APBA1: variants seen among roughly 807,000 people sequenced by gnomAD.
The protein encoded by APBA1 is amyloid-beta A4 precursor protein-binding family A member 1.
A neutral mutation model predicts 86.6 loss-of-function variants in APBA1; 55 were observed. The observed-to-expected ratio is 0.64, with a 90% CI of 0.51 to 0.80. The LOEUF (loss-of-function observed/expected upper bound fraction) is 0.80. APBA1 is among the 30% of genes least tolerant of loss of function. The probability of loss-of-function intolerance (pLI) is 0.00; values close to 1 mark genes in which losing one functional copy is unlikely to be tolerated. For synonymous variants in APBA1, 511 were observed against 493.9 expected (o/e 1.03, Z -0.46); for missense variants, 1,090 against 1,183.0 (o/e 0.92, Z 1.15).
At chr9:69,590,319 G>A (rs1822105645) in intron 1 of APBA1, among the ~76,000 whole-genome samples, 1 of 152,248 alleles carries the variant, frequency 6.6e-6, no homozygotes, top group Non-Finnish European at 1.5e-5. Flanking sequence ...GGTGAACAGA[G>A]TGGCATTGTG....
intron 2 of APBA1, among the ~76,000 whole-genome samples, chr9:69,492,693 T>C (rs1024039432): frequency 2.0e-5 from 3 of 152,078 alleles, no homozygotes; most frequent in Admixed American, 6.5e-5. Context: ...ATTATAGTGA[T>C]TGATTTACAT....
intron 2 of APBA1, among the ~76,000 whole-genome samples, chr9:69,485,171 G>A (rs1385309116): frequency 6.6e-6 from 1 of 151,820 alleles, no homozygotes; most frequent in Non-Finnish European, 1.5e-5. Context: ...CTGTCACCTG[G>A]GCTCCAAGGA....
rs530951547 is a variant in APBA1, at chr9:69,506,029, A to G, written c.1200+9982T>C. On this transcript the variant is annotated intron_variant, in intron 2 of 12. Transcript: ENST00000265381. Reference sequence around the variant, plus strand: ...GCAAGACTCCATCTAAAAAAAAAGAAAAAGAAGAAAAAAAAAAGAAAAGGA... The same window carrying G: ...GCAAGACTCCATCTAAAAAAAAAGAGAAAGAAGAAAAAAAAAAGAAAAGGA... Among the ~76,000 whole-genome samples, 5 of 151,784 alleles carry G rather than the reference A, an allele frequency of 3.3e-5. No homozygotes were observed. In the South Asian group the frequency reaches 1.0e-3, roughly 32 times the overall value.
In APBA1 at chr9:69,456,466, C is replaced by T. The variant is rs1571851; in HGVS notation, c.1603-34G>A. ...AGGAAGAGAGGGCGGGTAAGTCCAG[C>T]TCAGCATCTAATGACCTAAGAAAGC... On this transcript the variant is annotated intron_variant, in intron 7 of 12. Coordinates refer to ENST00000265381, the MANE Select transcript of APBA1 (RefSeq NM_001163.4). The T allele has an allele frequency of 6.0e-5, 93 of 1,542,052 alleles. No individual in the cohort carries two copies. In the Middle Eastern group the frequency reaches 1.2e-3, roughly 19 times the overall value.
intron 1 of APBA1, among the ~76,000 whole-genome samples, chr9:69,652,786 G>A (rs1823532577): frequency 6.6e-6 from 1 of 152,144 alleles, no homozygotes; most frequent in Non-Finnish European, 1.5e-5. Context: ...GTCAGGAGAT[G>A]GAGACCATTC....
At chr9:69,543,542 G>A (rs578221317) in intron 1 of APBA1, among the ~76,000 whole-genome samples, 72 of 152,278 alleles carry the variant, frequency 4.7e-4, no homozygotes, top group African/African-American at 1.7e-3. Flanking sequence ...GCTCTAGGCT[G>A]AGAAGGTCAT....
At chr9:69,462,326 G>A (rs1205081130) in intron 5 of APBA1, 1 of 152,224 alleles carries the variant, frequency 6.6e-6, no homozygotes, top group African/African-American at 2.4e-5. Context: ...GGAGAACAAG[G>A]AAGACAAATG....
rs191220404 is a variant in APBA1, at chr9:69,466,359, G to A, written c.1482+1464C>T. The stretch of plus-strand genomic sequence containing the variant: ...GCTATTCACCACATGGCAGAGTCTG[G>A]ACACGTGACTAACGTAAGAATCAGC... On this transcript the variant is annotated intron_variant, in intron 5 of 12. Transcript: ENST00000265381. Among the ~76,000 whole-genome samples the A allele has an allele frequency of 1.3e-3, 194 of 152,314 alleles. 2 individuals carry two copies. Among genetic ancestry groups the A allele is most frequent in the African/African-American group, 4.3e-3 (177 of 41,568 alleles).
chr9:69,530,995 A>G (rs796660342), intron 1 of APBA1, among the ~76,000 whole-genome samples: 49 of 152,342 alleles, frequency 3.2e-4, no homozygotes, highest in African/African-American at 1.1e-3. Flanking sequence ...TCTAGTATGC[A>G]CATTAAAATT....
chr9:69,656,360 C>G (rs1261010968), intron 1 of APBA1, among the ~76,000 whole-genome samples: 1 of 151,998 alleles, frequency 6.6e-6, no homozygotes, highest in Admixed American at 6.6e-5. Flanking sequence ...TGTCCTTCAA[C>G]AAAAGAATTG....
chr9:69,448,588 C>T (rs1295263267), intron 10 of APBA1, among the ~76,000 whole-genome samples: 3 of 152,130 alleles, frequency 2.0e-5, no homozygotes, highest in East Asian at 1.9e-4. Context: ...ACCTCCCACC[C>T]CCACCCCCTT....
chr9:69,482,179 C>A (rs11138864), intron 2 of APBA1, among the ~76,000 whole-genome samples: 121,379 of 151,740 alleles, frequency 0.8, 48,745 homozygotes, highest in Admixed American at 0.85. Context: ...TCAGAGTGAA[C>A]AGGCAACCTA....
intron 1 of APBA1, among the ~76,000 whole-genome samples, chr9:69,562,524 G>A (rs1836962620): frequency 6.6e-6 from 1 of 151,798 alleles, no homozygotes; most frequent in Non-Finnish European, 1.5e-5. Context: ...ACAGGCACAC[G>A]CCACCAAGCC....
At chr9:69,662,939 T>A (rs1271542390) in intron 1 of APBA1, among the ~76,000 whole-genome samples, 1 of 152,204 alleles carries the variant, frequency 6.6e-6, no homozygotes, top group Non-Finnish European at 1.5e-5. Context: ...TACTCAAAAA[T>A]AAAGTTTCTC....
At chr9:69,598,537 A>C (rs564022269) in intron 1 of APBA1, among the ~76,000 whole-genome samples, 3 of 152,154 alleles carry the variant, frequency 2.0e-5, no homozygotes, top group Admixed American at 2.0e-4. Flanking sequence ...CTGGGTCCCC[A>C]GTAGACTCTT....
intron 1 of APBA1, among the ~76,000 whole-genome samples, chr9:69,643,158 T>A (rs1001910029): frequency 2.0e-5 from 3 of 152,074 alleles, no homozygotes; most frequent in African/African-American, 7.2e-5. Flanking sequence ...TTACATTTGA[T>A]CCAGCAATCC....
At chr9:69,584,212 T>A (rs76460947) in intron 1 of APBA1, among the ~76,000 whole-genome samples, 2 of 152,226 alleles carry the variant, frequency 1.3e-5, no homozygotes, top group Non-Finnish European at 2.9e-5. Context: ...TCCATATGTG[T>A]ACATCTCCGT....
intron 2 of APBA1, among the ~76,000 whole-genome samples, chr9:69,486,273 A>T (rs1479071057): frequency 1.3e-5 from 2 of 151,990 alleles, no homozygotes; most frequent in African/African-American, 4.8e-5. Flanking sequence ...CTGACTGAAC[A>T]TCTCTCTTAG....
At position 69,568,629 on chromosome 9, in the gene APBA1, T is replaced by C. The variant is rs551236868; in HGVS notation, c.-69-51350A>G. ...ATAAAAAGTGTGAAACTCATTCATA[T>C]AAATCATTTATGATGTGGTCATCTG... On this transcript the variant is annotated intron_variant, in intron 1 of 12. Coordinates refer to ENST00000265381, the MANE Select transcript of APBA1 (RefSeq NM_001163.4). Among the ~76,000 whole-genome samples, 20 of 152,332 alleles carry C rather than the reference T, an allele frequency of 1.3e-4. No individual in the cohort carries two copies. In the South Asian group the frequency reaches 2.1e-3, roughly 16 times the overall value.
Sources: allele counts gnomAD v4.1 joint callset (sites outside exome capture counted in the v4.1 genomes callset), GRCh38; gene constraint gnomAD v4.1.1; transcripts MANE v1.5; gene names NCBI Gene and HGNC (gene_info 2026-07-23, HGNC 2026-07-21).